PTPRE: variants seen among roughly 807,000 people sequenced by gnomAD.
PTPRE encodes the protein protein tyrosine phosphatase receptor type E.
A neutral mutation model predicts 102.0 loss-of-function variants in PTPRE; 51 were observed. The observed-to-expected ratio is 0.50, with a 90% CI of 0.40 to 0.63. The LOEUF (loss-of-function observed/expected upper bound fraction) is 0.63, where lower values mean the gene tolerates loss of function less well. PTPRE is among the 30% of genes least tolerant of loss of function. PTPRE has a pLI of 0.00. For synonymous variants in PTPRE, 345 were observed against 348.2 expected (o/e 0.99, Z 0.10); for missense variants, 752 against 915.1 (o/e 0.82, Z 2.30).
chr10:128,054,804 G>A (rs1848819687), intron 6 of PTPRE, among the ~76,000 whole-genome samples: 1 of 152,114 alleles, frequency 6.6e-6, no homozygotes, highest in Non-Finnish European at 1.5e-5. Flanking sequence ...TCTGCATTGT[G>A]AGCAAGCCCA....
chr10:128,060,827 C>A, intron 7 of PTPRE, 112 bp from the exon 8 acceptor site: 2 of 1,026,640 alleles, frequency 1.9e-6, no homozygotes, highest in South Asian at 1.4e-5. Context: ...CTGCTTTTGC[C>A]CTTCCCAGGA....
At chr10:128,022,949 A>AAGACAATG (rs1564894184) in intron 2 of PTPRE, among the ~76,000 whole-genome samples, 1 of 152,250 alleles carries the variant, frequency 6.6e-6, no homozygotes, top group Non-Finnish European at 1.5e-5. Context: ...GACAATCATG[A>AAGACAATG]AGACAATGAA....
chr10:127,998,167 G>A (rs1853468870), intron 2 of PTPRE: 1 of 152,254 alleles, frequency 6.6e-6, no homozygotes, highest in African/African-American at 2.4e-5. Flanking sequence ...GCTGTCTGCA[G>A]TAGAGATGGT....
chr10:127,917,747 A>G (rs1846308123), intron 1 of PTPRE, among the ~76,000 whole-genome samples: 1 of 152,116 alleles, frequency 6.6e-6, no homozygotes, highest in Admixed American at 6.5e-5. Context: ...AATGCCATGT[A>G]GGCTGGGCAC....
chr10:128,062,293 C>T (rs2135957791), intron 9 of PTPRE, among the ~76,000 whole-genome samples: 1 of 152,282 alleles, frequency 6.6e-6, no homozygotes, highest in East Asian at 1.9e-4. Context: ...TGAAAGTCAG[C>T]GTCCATCAAA....
rs1480980554 is a variant in PTPRE at position 128,008,247 on chromosome 10, C to T, written c.-8+25951C>T. Among the ~76,000 whole-genome samples, 1 of 150,476 alleles carries T rather than the reference C, an allele frequency of 6.6e-6. No homozygotes were observed. The highest frequency in any genetic ancestry group is 1.5e-5 in the Non-Finnish European group (1 of 67,504). The stretch of plus-strand genomic sequence containing the variant: ...CGCCTCCCTCCCTCCCTTTCACCCT[C>T]CCTCCCTCTCTCCCTCATTCCCTCC... On this transcript the variant is annotated intron_variant, in intron 2 of 20. Coordinates refer to ENST00000254667, the MANE Select transcript of PTPRE (RefSeq NM_006504.6). This position sits in a 1 kb window ranked among gnomAD's most constrained non-coding sequence, Gnocchi z 4.0.
chr10:127,939,825 A>G (rs1182637259), intron 1 of PTPRE, among the ~76,000 whole-genome samples: 25 of 121,268 alleles, frequency 2.1e-4, no homozygotes, highest in South Asian at 5.7e-4. Flanking sequence ...GACAGGAAGA[A>G]GCAGGTGAGG....
chr10:128,032,826 C>A (rs934467002), intron 2 of PTPRE, among the ~76,000 whole-genome samples: 1 of 152,174 alleles, frequency 6.6e-6, no homozygotes, highest in Non-Finnish European at 1.5e-5. Context: ...AGTCTGAACT[C>A]TCTTCTTCCA....
At chr10:127,942,473 A>C (rs527695660) in intron 1 of PTPRE, among the ~76,000 whole-genome samples, 1 of 152,370 alleles carries the variant, frequency 6.6e-6, no homozygotes, top group East Asian at 1.9e-4. Flanking sequence ...AATCCTACAA[A>C]ATGTCCATCA....
At chr10:127,994,751 G>A (rs1162554394) in intron 2 of PTPRE, among the ~76,000 whole-genome samples, 5 of 152,120 alleles carry the variant, frequency 3.3e-5, no homozygotes, top group Non-Finnish European at 4.4e-5. Flanking sequence ...GCCCGATGTC[G>A]CAGGGGCTGT....
At chr10:127,925,628 G>A (rs1014113973) in intron 1 of PTPRE, among the ~76,000 whole-genome samples, 2 of 152,340 alleles carry the variant, frequency 1.3e-5, no homozygotes, top group Admixed American at 6.5e-5. Context: ...AATGTGGCCT[G>A]TGGTCCACGG....
chr10:127,981,542 G>T (rs1851617695), intron 1 of PTPRE, among the ~76,000 whole-genome samples: 1 of 152,134 alleles, frequency 6.6e-6, no homozygotes. Context: ...GGGAGGCTGG[G>T]CATGGAGGCT....
chr10:127,979,968 T>C (rs566943709), intron 1 of PTPRE, among the ~76,000 whole-genome samples: 122 of 152,370 alleles, frequency 8.0e-4, no homozygotes, highest in Middle Eastern at 3.4e-3. Flanking sequence ...CTTCCATTCC[T>C]GGCTTCTTCC....
At chr10:127,999,062 G>T (rs745705836) in intron 2 of PTPRE, 2 of 152,078 alleles carry the variant, frequency 1.3e-5, no homozygotes, top group Non-Finnish European at 2.9e-5. Context: ...TGTTCTTTAC[G>T]CTGAGAGAGG....
chr10:127,982,153 C>T, intron 1 of PTPRE, 121 bp from the exon 2 acceptor site: 2 of 481,274 alleles, frequency 4.2e-6, no homozygotes, highest in Non-Finnish European at 6.8e-6. Context: ...TCCAGAAGAC[C>T]CTGAACAATT....
At chr10:128,045,443 T>G (rs1848012262) in intron 3 of PTPRE, among the ~76,000 whole-genome samples, 2 of 152,158 alleles carry the variant, frequency 1.3e-5, no homozygotes, top group Admixed American at 6.5e-5. Context: ...GAGCCTGACC[T>G]CTGTGTGATG....
intron 1 of PTPRE, among the ~76,000 whole-genome samples, chr10:127,973,810 A>T (rs2135434081): frequency 6.6e-6 from 1 of 152,212 alleles, no homozygotes; most frequent in African/African-American, 2.4e-5. Context: ...GCAACGCTTC[A>T]CCCAGGCCCC....
chr10:127,945,881 C>T (rs12415432), intron 1 of PTPRE, among the ~76,000 whole-genome samples: 12,392 of 152,064 alleles, frequency 0.081, 689 homozygotes, highest in East Asian at 0.15. Flanking sequence ...CTCTTCTGGT[C>T]GTGCATATTG....
Position 128,070,097 on chromosome 10 carries a change from T to A in PTPRE, c.1144-204T>A. 2.8e-6 allele frequency: 2 copies of A among 705,390 alleles called. No individual in the cohort carries two copies. The highest frequency in any genetic ancestry group is 4.6e-6 in the Non-Finnish European group (2 of 431,732). The allele number at this position is 705,390 out of a possible 1,614,324, so 43.7% of individuals were successfully genotyped here. The stretch of plus-strand genomic sequence containing the variant: ...ACAGTGCGTGGCGTGCTCACCAATG[T>A]GAGGCTCTGCTGCTACCGTTCTCCT... On this transcript the variant is annotated intron_variant, in intron 13 of 20. Transcript: ENST00000254667. The surrounding 1 kb of genome is among the most constrained non-coding windows in gnomAD (Gnocchi z 4.8).
Sources: gnomAD v4.1 joint callset for allele counts (sites outside exome capture counted in the v4.1 genomes callset) on GRCh38, gnomAD v4.1.1 for gene constraint, Gnocchi (gnomAD v3.1) non-coding constraint, MANE v1.5 for transcripts, NCBI Gene and HGNC (gene_info 2026-07-23, HGNC 2026-07-21) for gene names.